The following APLP1 variants were observed in gnomAD, a reference collection of about 807,000 sequenced individuals.
APLP1 encodes amyloid beta (A4) precursor-like protein 1.
A neutral mutation model predicts 84.5 loss-of-function variants in APLP1; 46 were observed. The observed-to-expected ratio is 0.54, with a 90% CI of 0.43 to 0.70. APLP1 has a LOEUF of 0.70. Among genes scored for constraint, APLP1 ranks in the 30% least tolerant of loss-of-function variants. APLP1 has a pLI of 0.00. For missense variants in APLP1, 826 were observed against 900.2 expected (o/e 0.92, Z 1.05); for synonymous variants, 376 against 364.0 (o/e 1.03, Z -0.38).
At chr19:35,875,004 C>T in intron 10 of APLP1, 135 bp downstream of exon 10, 1 of 1,255,278 alleles carries the variant, frequency 8.0e-7, no homozygotes. Flanking sequence ...CTTCTCTGCC[C>T]CTTCCCAGTC....
At chr19:35,875,977 G>T (rs1038333175) in intron 10 of APLP1, among the ~76,000 whole-genome samples, 1 of 151,226 alleles carries the variant, frequency 6.6e-6, no homozygotes, top group African/African-American at 2.4e-5. Context: ...GTTTTGCCAT[G>T]TTGCCCAGGC....
chr19:35,877,336 A>G (rs1209945937), intron 11 of APLP1, among the ~76,000 whole-genome samples: 1 of 152,028 alleles, frequency 6.6e-6, no homozygotes, highest in Non-Finnish European at 1.5e-5. Context: ...TAAAAATACA[A>G]AAATCAGCCG....
chr19:35,872,692 AT>A (rs1421991882), intron 7 of APLP1, 79 bp downstream of exon 7: 43 of 1,494,680 alleles, frequency 2.9e-5, no homozygotes, highest in Admixed American at 4.3e-5. Context: ...GGACACATTG[AT>A]ACTACCTCCA....
intron 10 of APLP1, among the ~76,000 whole-genome samples, chr19:35,876,072 G>A (rs1974276059): frequency 6.6e-6 from 1 of 152,238 alleles, no homozygotes; most frequent in East Asian, 1.9e-4. Context: ...ACCGCGCCCG[G>A]TCGAGAATCT....
intron 2 of APLP1, chr19:35,870,143 TGA>T: frequency 3.1e-6 from 1 of 320,014 alleles, no homozygotes; most frequent in Admixed American, 4.9e-5. Context: ...TGGAGCCCAA[TGA>T]GAGCGCGGAG....
intron 10 of APLP1, among the ~76,000 whole-genome samples, chr19:35,875,551 C>T (rs574348151): frequency 1.3e-5 from 2 of 152,084 alleles, no homozygotes; most frequent in Non-Finnish European, 2.9e-5. Context: ...GTCTTGAACT[C>T]GACCTCAGGT....
Position 35,877,717 on chromosome 19 carries a change from G to A in APLP1, c.1445-1G>A, listed in dbSNP as rs2146914247. The A allele has an allele frequency of 6.2e-7, 1 of 1,612,136 alleles. No homozygotes were observed. The highest frequency in any genetic ancestry group is 8.5e-7 in the Non-Finnish European group (1 of 1,178,900). The stretch of plus-strand genomic sequence containing the variant: ...GCCACCTTTCTGCATGTCCCCCTCA[G>A]AGGAACTCCTCCACTCTGAACACCT... On this transcript the variant is annotated splice_acceptor_variant, in intron 11 of 16. Coordinates refer to ENST00000221891, the MANE Select transcript of APLP1 (RefSeq NM_001024807.3). LOFTEE classifies it high-confidence loss of function.
intron 2 of APLP1, chr19:35,870,065 A>G: frequency 2.0e-6 from 1 of 512,560 alleles, no homozygotes; most frequent in Non-Finnish European, 3.4e-6. Context: ...TGTAGGGGGG[A>G]GTGGCGAAAG....
chr19:35,879,113 G>A lies in APLP1; in HGVS notation c.1753G>A (p.Gly585Ser), dbSNP rs1250732860. Residue 585 changes from glycine to serine, a missense_variant, in exon 16 of 17, where the codon GGT (glycine) becomes AGT (serine). By Grantham distance (56) the Gly-to-Ser change is moderately conservative. Coordinates refer to ENST00000221891, the MANE Select transcript of APLP1 (RefSeq NM_001024807.3). ...AGGGGTGTCCCGTGAGGCTGTGTCG[G>A]GTCTGCTGATCATGGGAGCGGGCGG... ...GTGVSREAVSGLLIMGAGGGS... is the reference protein window; with the variant it reads ...GTGVSREAVSSLLIMGAGGGS... 1 of 1,612,164 alleles carries A rather than the reference G, an allele frequency of 6.2e-7. No individual in the cohort carries two copies. Among genetic ancestry groups the A allele is most frequent in the Admixed American group, 1.7e-5 (1 of 60,022 alleles).
In APLP1 at chr19:35,874,778, G is replaced by A. The variant is rs753682612; in HGVS notation, c.1253G>A (p.Arg418His). ...CTGTTGGCCCTGCGGCGCTACCTGCGTGCGGAGCAGAAGGAACAGAGGCAC... is the reference window on the plus strand; with the variant it reads ...CTGTTGGCCCTGCGGCGCTACCTGCATGCGGAGCAGAAGGAACAGAGGCAC... ...RVLLALRRYL[R>H]AEQKEQRHTL... The change falls in exon 10 of 17, where the codon CGT (arginine) becomes CAT (histidine). Residue 418 changes from arginine (R) to histidine (H), a missense_variant. Arg to His is a conservative substitution (Grantham distance 29). Around this residue, in one of 3 missense-constraint regions of APLP1, gnomAD observed 433 missense variants for 496.5 expected, o/e 0.87. Coordinates refer to ENST00000221891, the MANE Select transcript of APLP1 (RefSeq NM_001024807.3). The surrounding 1 kb of genome is among the most constrained non-coding windows in gnomAD (Gnocchi z 6.4). The A allele has an allele frequency of 2.5e-5, 40 of 1,613,434 alleles. No homozygotes were observed. Among genetic ancestry groups the A allele is most frequent in the South Asian group, 4.4e-5 (4 of 91,078 alleles).
intron 13 of APLP1, 88 bp downstream of exon 13, chr19:35,878,196 A>T: frequency 7.1e-7 from 1 of 1,409,472 alleles, no homozygotes; most frequent in Non-Finnish European, 9.8e-7. Flanking sequence ...TGGGAACCTC[A>T]GACCCCCTGG....
intron 2 of APLP1, chr19:35,870,097 AAG>A (rs1974105413): frequency 2.2e-6 from 1 of 454,366 alleles, no homozygotes; most frequent in Admixed American, 4.1e-5. Context: ...CTAAGACAGA[AAG>A]AGACCTTAAG....
rs1974137765 is a variant in APLP1, at chr19:35,871,250, G to A, written c.438G>A (p.Val146=). ...VPFRCLPGEF[V]SEALLVPEGC... is the part of the protein sequence containing the mutation. ...GTGCTTCCCCAGCTGGTGAATTTGT[G>A]AGTGAGGCCCTGCTGGTGCCTGAAG... The change falls in exon 4 of 17, where the codon GTG becomes GTA. Residue 146 remains valine (V), a synonymous_variant. Coordinates refer to ENST00000221891, the MANE Select transcript of APLP1 (RefSeq NM_001024807.3). 1 of 1,613,460 alleles carries A rather than the reference G, an allele frequency of 6.2e-7. No homozygotes were observed. The highest frequency in any genetic ancestry group is 2.2e-5 in the East Asian group (1 of 44,864).
At chr19:35,871,832 G>T (rs533275512) in intron 5 of APLP1, 26 bp from the exon 6 acceptor site, 5 of 1,613,098 alleles carry the variant, frequency 3.1e-6, no homozygotes, top group Non-Finnish European at 4.2e-6. Flanking sequence ...GGTTCTTACT[G>T]CCTGGGTCCT....
chr19:35,872,176 T>C (rs987882218), intron 6 of APLP1, 140 bp downstream of exon 6: 11 of 1,189,832 alleles, frequency 9.2e-6, no homozygotes, highest in Non-Finnish European at 1.2e-5. Flanking sequence ...TATCTTTGGA[T>C]AAAATAGAAG....
chr19:35,879,718 C>A lies in APLP1; in HGVS notation c.*277C>A. On this transcript the variant is annotated 3_prime_UTR_variant, in exon 17 of 17. Transcript: ENST00000221891. The stretch of plus-strand genomic sequence containing the variant: ...TCTTTAAGGTGACCGCCACCTTGGT[C>A]CTAGTGTCTATTCCCTGGAATTCAC... The A allele has an allele frequency of 2.2e-6, 1 of 447,700 alleles. No individual in the cohort carries two copies. Among genetic ancestry groups the A allele is most frequent in the East Asian group, 4.0e-5 (1 of 24,826 alleles). The allele number at this position is 447,700 out of a possible 1,614,324, so 27.7% of individuals were successfully genotyped here. A position where few individuals can be genotyped will look rare whatever the true frequency, so the allele number is the denominator to read the frequency against.
At chr19:35,869,976 C>G (rs1437238484) in intron 2 of APLP1, among the ~76,000 whole-genome samples, 166 bp downstream of exon 2, 1 of 149,156 alleles carries the variant, frequency 6.7e-6, no homozygotes, top group Non-Finnish European at 1.5e-5. Context: ...GATACTAAGT[C>G]AGGAAAAGGG....
intron 12 of APLP1, 39 bp downstream of exon 12, chr19:35,877,864 G>T: frequency 6.5e-7 from 1 of 1,532,804 alleles, no homozygotes; most frequent in East Asian, 2.3e-5. Flanking sequence ...AGACATTAGG[G>T]AACAGGCCCC....
chr19:35,874,557 G>A lies in APLP1; in HGVS notation c.1110G>A (p.Gln370=). 1 of 1,614,198 alleles carries A rather than the reference G, an allele frequency of 6.2e-7. No individual in the cohort carries two copies. Among genetic ancestry groups the A allele is most frequent in the Non-Finnish European group, 8.5e-7 (1 of 1,180,038 alleles). ...AGGAGCAGGTGTCTGGTGAGCGACAGCGCCTGGTGGAAACCCACGCCACCC... is the reference window on the plus strand; with the variant it reads ...AGGAGCAGGTGTCTGGTGAGCGACAACGCCTGGTGGAAACCCACGCCACCC... The part of the protein sequence containing the change: ...TLEEQVSGER[Q]RLVETHATRV... The change falls in exon 9 of 17, where the codon CAG becomes CAA. Residue 370 remains glutamine, a synonymous_variant. Coordinates refer to ENST00000221891, the MANE Select transcript of APLP1 (RefSeq NM_001024807.3). The surrounding 1 kb of genome is among the most constrained non-coding windows in gnomAD (Gnocchi z 6.4).
Sources: gnomAD v4.1 joint callset for allele counts (sites outside exome capture counted in the v4.1 genomes callset) on GRCh38, gnomAD v4.1.1 for gene constraint, gnomAD v4.1.1 regional missense constraint, Gnocchi (gnomAD v3.1) non-coding constraint, MANE v1.5 for transcripts, NCBI Gene and HGNC (gene_info 2026-07-23, HGNC 2026-07-21) for gene names.